TSHZ2: variants seen among roughly 807,000 people sequenced by gnomAD.
TSHZ2 encodes the protein teashirt zinc finger homeobox 2.
In TSHZ2, 21 loss-of-function variants were observed where a neutral mutation model predicts 74.4. The observed-to-expected ratio is 0.28, with a 90% CI of 0.20 to 0.41. The LOEUF (loss-of-function observed/expected upper bound fraction) is 0.41, where lower values mean the gene tolerates loss of function less well. TSHZ2 is among the 10% of genes least tolerant of loss of function. TSHZ2 has a pLI of 1.00. For missense variants in TSHZ2, 1,244 were observed against 1,293.5 expected (o/e 0.96, Z 0.59); for synonymous variants, 540 against 515.3 (o/e 1.05, Z -0.65).
chr20:53,415,852 G>A (rs570337939), intron 2 of TSHZ2, among the ~76,000 whole-genome samples: 51 of 147,462 alleles, frequency 3.5e-4, no homozygotes, highest in African/African-American at 1.1e-3. Flanking sequence ...GTTAGGAGAC[G>A]TAAGAGGAAG....
intron 1 of TSHZ2, among the ~76,000 whole-genome samples, chr20:53,110,644 A>C (rs1986506478): frequency 6.6e-6 from 1 of 152,202 alleles, no homozygotes; most frequent in South Asian, 2.1e-4. Flanking sequence ...TGAGATAAAG[A>C]GTACTGGAAA....
intron 1 of TSHZ2, among the ~76,000 whole-genome samples, chr20:53,093,343 C>T (rs1985942334): frequency 6.6e-6 from 1 of 152,204 alleles, no homozygotes; most frequent in African/African-American, 2.4e-5. Flanking sequence ...AGTCTGTTGC[C>T]CATAGGGAAG....
intron 2 of TSHZ2, among the ~76,000 whole-genome samples, chr20:53,341,987 A>G (rs2145570052): frequency 6.6e-6 from 1 of 152,334 alleles, no homozygotes; most frequent in East Asian, 1.9e-4. Context: ...CTGGGATTAT[A>G]GGCGTGAGCA....
At chr20:53,349,796 C>T (rs1446883368) in intron 2 of TSHZ2, among the ~76,000 whole-genome samples, 1 of 152,170 alleles carries the variant, frequency 6.6e-6, no homozygotes, top group Non-Finnish European at 1.5e-5. Context: ...ATTCTTATTA[C>T]TGTTGTAACA....
At chr20:53,455,108 T>C (rs1028322076) in intron 2 of TSHZ2, 1 of 152,084 alleles carries the variant, frequency 6.6e-6, no homozygotes, top group African/African-American at 2.4e-5. Flanking sequence ...TTAAAGCCTT[T>C]TTCTCTGGCA....
At chr20:53,000,195 A>G (rs535663227) in intron 1 of TSHZ2, among the ~76,000 whole-genome samples, 29 of 152,330 alleles carry the variant, frequency 1.9e-4, no homozygotes, top group Non-Finnish European at 3.7e-4. Context: ...TGTATGACCT[A>G]TGGGTTAGAA....
chr20:53,063,694 C>T (rs1479000207), intron 1 of TSHZ2, among the ~76,000 whole-genome samples: 1 of 152,184 alleles, frequency 6.6e-6, no homozygotes, highest in Non-Finnish European at 1.5e-5. Flanking sequence ...AAAATCAAAA[C>T]TGATTTGCCC....
intron 1 of TSHZ2, among the ~76,000 whole-genome samples, chr20:53,149,180 T>G (rs1313879100): frequency 2.3e-5 from 3 of 130,936 alleles, no homozygotes; most frequent in South Asian, 4.6e-4. Context: ...TCTTTTAGGG[T>G]TTTTTTTTTT....
At chr20:53,324,708 A>T (rs1201428246) in intron 2 of TSHZ2, among the ~76,000 whole-genome samples, 1 of 152,108 alleles carries the variant, frequency 6.6e-6, no homozygotes, top group Non-Finnish European at 1.5e-5. Context: ...GACCTTGCTG[A>T]CCTCAGGAAG....
intron 1 of TSHZ2, among the ~76,000 whole-genome samples, chr20:53,192,596 A>G (rs1988764951): frequency 6.6e-6 from 1 of 151,332 alleles, no homozygotes; most frequent in Non-Finnish European, 1.5e-5. Context: ...CAACTGGTCT[A>G]TGAATTGGCT....
chr20:53,029,473 C>T (rs923714694), intron 1 of TSHZ2, among the ~76,000 whole-genome samples: 6 of 152,136 alleles, frequency 3.9e-5, no homozygotes, highest in African/African-American at 7.2e-5. Context: ...GTCAGGAGTT[C>T]GAGACCAGCA....
At chr20:53,174,108 G>C (rs1017772026) in intron 1 of TSHZ2, among the ~76,000 whole-genome samples, 1 of 152,168 alleles carries the variant, frequency 6.6e-6, no homozygotes, top group Admixed American at 6.5e-5. Context: ...GACCAGCATG[G>C]CTTTATCTGT....
At chr20:53,206,000 C>T (rs1390075064) in intron 1 of TSHZ2, among the ~76,000 whole-genome samples, 1 of 152,126 alleles carries the variant, frequency 6.6e-6, no homozygotes, top group African/African-American at 2.4e-5. Context: ...GCGGGTGGAT[C>T]ACGAGGTCAG....
intron 2 of TSHZ2, among the ~76,000 whole-genome samples, chr20:53,324,720 G>T (rs1025977694): frequency 1.3e-5 from 2 of 152,190 alleles, no homozygotes; most frequent in African/African-American, 4.8e-5. Context: ...CTCAGGAAGA[G>T]CTAGTAGCTC....
intron 2 of TSHZ2, among the ~76,000 whole-genome samples, chr20:53,309,154 A>G (rs1349784008): frequency 2.0e-5 from 3 of 152,232 alleles, no homozygotes; most frequent in African/African-American, 7.2e-5. Context: ...GGACAGCCCA[A>G]GAGGTCTTGG....
At chr20:53,105,599 A>G (rs1202364170) in intron 1 of TSHZ2, among the ~76,000 whole-genome samples, 2 of 152,058 alleles carry the variant, frequency 1.3e-5, no homozygotes, top group Non-Finnish European at 2.9e-5. Context: ...TACCAATCCC[A>G]TAGAGTTCTC....
chr20:53,041,885 C>T (rs891063712), intron 1 of TSHZ2, among the ~76,000 whole-genome samples: 1 of 152,184 alleles, frequency 6.6e-6, no homozygotes, highest in African/African-American at 2.4e-5. Flanking sequence ...TGAGCTCATT[C>T]CTTCTTCTAA....
At chr20:53,445,439 G>A (rs770892616) in intron 2 of TSHZ2, among the ~76,000 whole-genome samples, 2 of 152,188 alleles carry the variant, frequency 1.3e-5, no homozygotes, top group Non-Finnish European at 2.9e-5. Context: ...GATAAGCAAT[G>A]ATTTATTATG....
At chr20:53,270,094 T>C (rs908583110) in intron 2 of TSHZ2, among the ~76,000 whole-genome samples, 2 of 152,132 alleles carry the variant, frequency 1.3e-5, no homozygotes, top group Non-Finnish European at 2.9e-5. Context: ...GTAGAGGGTA[T>C]GGTGGAGATG....
Sources: allele counts gnomAD v4.1 joint callset (sites outside exome capture counted in the v4.1 genomes callset), GRCh38; gene constraint gnomAD v4.1.1; transcripts MANE v1.5; gene names NCBI Gene and HGNC (gene_info 2026-07-23, HGNC 2026-07-21).